Variants in TRHDE observed in about 807,000 individuals in gnomAD.
The protein encoded by TRHDE is thyrotropin-releasing hormone-degrading ectoenzyme.
TRHDE carries 72 observed loss-of-function variants against 125.7 expected under a neutral mutation model. That is an observed-to-expected ratio of 0.57 (90% CI 0.47 to 0.70). TRHDE has a LOEUF of 0.70. Among genes scored for constraint, TRHDE ranks in the 30% least tolerant of loss-of-function variants. TRHDE has a pLI of 0.00. For missense variants in TRHDE, 1,110 were observed against 1,327.1 expected, an observed-to-expected ratio of 0.84 and a Z score of 2.54; for synonymous variants, 509 against 509.1, an observed-to-expected ratio of 1.00 and a Z score of 0.00.
At chr12:72,581,828 C>T (rs978972724) in intron 12 of TRHDE, among the ~76,000 whole-genome samples, 2 of 151,282 alleles carry the variant, frequency 1.3e-5, no homozygotes, top group African/African-American at 2.4e-5. Context: ...AGGCACCGGG[C>T]GCAGTGGCTC....
chr12:72,180,539 TTTA>T, intron 2 of TRHDE, among the ~76,000 whole-genome samples: 1 of 152,082 alleles, frequency 6.6e-6, no homozygotes, highest in South Asian at 2.1e-4. Flanking sequence ...GACCCTTGAG[TTTA>T]TTATTCTTAT....
At chr12:72,205,480 A>C (rs114451395) in intron 2 of TRHDE, among the ~76,000 whole-genome samples, 213 of 152,266 alleles carry the variant, frequency 1.4e-3, no homozygotes, top group African/African-American at 4.9e-3. Context: ...TTTGCATGAC[A>C]AACTTTATAC....
chr12:72,663,963 C>G lies in TRHDE; in HGVS notation c.*768C>G, dbSNP rs566075240. On this transcript the variant is annotated 3_prime_UTR_variant, in exon 19 of 19. Transcript: ENST00000261180. The stretch of plus-strand genomic sequence containing the variant: ...TCTTCAGATCAAAGAAAATTTATCT[C>G]TTTTTATAAACTTAAGGACAGTTGC... The G allele has an allele frequency of 1.8e-4, 27 of 152,228 alleles. No individual in the cohort carries two copies. Among genetic ancestry groups the G allele is most frequent in the Admixed American group, 7.2e-4 (11 of 15,282 alleles). The allele number at this position is 152,228 out of a possible 1,614,324, so 9.4% of individuals were successfully genotyped here.
chr12:72,579,661 G>C (rs1436571510), intron 12 of TRHDE, among the ~76,000 whole-genome samples: 1 of 151,952 alleles, frequency 6.6e-6, no homozygotes, highest in Non-Finnish European at 1.5e-5. Context: ...GTCTCACATA[G>C]GGCTTCCCTG....
At chr12:72,212,759 T>C (rs1005317873) in intron 2 of TRHDE, among the ~76,000 whole-genome samples, 2 of 152,162 alleles carry the variant, frequency 1.3e-5, no homozygotes, top group African/African-American at 4.8e-5. Flanking sequence ...ACAACCACTT[T>C]GAAAAACAGT....
rs1179014492 is a variant in TRHDE at position 72,273,333 on chromosome 12, C to A, written c.690C>A (p.Ser230=). 1 of 1,613,990 alleles carries A rather than the reference C, an allele frequency of 6.2e-7. No individual in the cohort carries two copies. Among genetic ancestry groups the A allele is most frequent in the Non-Finnish European group, 8.5e-7 (1 of 1,180,024 alleles). ...NATRYVVLHA[S]RVAVEKVQLA... is the part of the protein sequence containing the mutation. ...CCCGCTACGTAGTGCTGCACGCTTC[C>A]CGAGTGGCGGTGGAGAAAGTGCAGC... is the stretch of plus-strand genomic sequence containing the variant. The change falls in exon 1 of 19, where the codon TCC becomes TCA. Residue 230 remains serine, a synonymous_variant. Transcript: ENST00000261180. This position sits in a 1 kb window ranked among gnomAD's most constrained non-coding sequence, Gnocchi z 5.3.
intron 1 of TRHDE, among the ~76,000 whole-genome samples, chr12:72,101,277 G>A (rs949923720): frequency 6.6e-6 from 1 of 152,164 alleles, no homozygotes; most frequent in Non-Finnish European, 1.5e-5. Flanking sequence ...ATCTACTCAG[G>A]TCGTCTGCTC....
At chr12:72,323,433 A>G (rs912430644) in intron 2 of TRHDE, among the ~76,000 whole-genome samples, 1 of 152,134 alleles carries the variant, frequency 6.6e-6, no homozygotes, top group Non-Finnish European at 1.5e-5. Flanking sequence ...TTAAGTTCTA[A>G]GAAAAGGGCA....
At chr12:72,527,795 G>T (rs1868364483) in intron 6 of TRHDE, among the ~76,000 whole-genome samples, 1 of 151,854 alleles carries the variant, frequency 6.6e-6, no homozygotes, top group Admixed American at 6.6e-5. Context: ...TAAAATATTA[G>T]AAAAGAAAAA....
chr12:72,477,463 C>A, intron 5 of TRHDE, among the ~76,000 whole-genome samples: 1 of 152,234 alleles, frequency 6.6e-6, no homozygotes, highest in South Asian at 2.1e-4. Flanking sequence ...TCATTAGAAA[C>A]GACCTCCTCA....
At chr12:72,650,611 T>A (rs536821161) in intron 15 of TRHDE, among the ~76,000 whole-genome samples, 4 of 152,242 alleles carry the variant, frequency 2.6e-5, no homozygotes, top group African/African-American at 9.6e-5. Context: ...TCTTAGAAAG[T>A]AAACTTACTA....
chr12:72,185,401 C>T (rs1434706526), intron 2 of TRHDE, among the ~76,000 whole-genome samples: 2 of 152,266 alleles, frequency 1.3e-5, no homozygotes, highest in Non-Finnish European at 2.9e-5. Flanking sequence ...CGCCCAGTCC[C>T]ATCCACCACC....
intron 12 of TRHDE, among the ~76,000 whole-genome samples, chr12:72,618,322 A>G (rs1038540763): frequency 6.6e-6 from 1 of 152,114 alleles, no homozygotes; most frequent in Non-Finnish European, 1.5e-5. Context: ...CATTTTTGTA[A>G]TTTGGACTTT....
intron 1 of TRHDE, among the ~76,000 whole-genome samples, chr12:72,093,406 A>G (rs1438835333): frequency 6.6e-6 from 1 of 152,138 alleles, no homozygotes; most frequent in Non-Finnish European, 1.5e-5. Flanking sequence ...ATTTATTTAA[A>G]TAAGCTTTCT....
chr12:72,518,476 T>G (rs1217778673), intron 6 of TRHDE, among the ~76,000 whole-genome samples: 4 of 152,066 alleles, frequency 2.6e-5, no homozygotes, highest in Non-Finnish European at 5.9e-5. Context: ...ACCCCTGCCT[T>G]TTTTAGTTTT....
intron 2 of TRHDE, among the ~76,000 whole-genome samples, chr12:72,371,394 T>TA (rs1871578657): frequency 6.6e-6 from 1 of 151,194 alleles, no homozygotes. Context: ...ATTTATTTAT[T>TA]TTTATTATTA....
chr12:72,556,551 C>G (rs1199630766), intron 7 of TRHDE, among the ~76,000 whole-genome samples: 2 of 152,200 alleles, frequency 1.3e-5, no homozygotes, highest in East Asian at 1.9e-4. Flanking sequence ...GAAGCATCCC[C>G]TTGTCTGAGG....
rs1408176465 is a variant in TRHDE at position 72,419,130 on chromosome 12, A to G, written c.1315+41009A>G. On this transcript the variant is annotated intron_variant, in intron 3 of 18. Transcript: ENST00000261180. ...GAGTTAATGAGGGTGGAGCTATTTA[A>G]ACACTTAAGATGGAGACTCAAGAGT... Among the ~76,000 whole-genome samples, 3 of 152,174 alleles carry G rather than the reference A, an allele frequency of 2.0e-5. No homozygotes were observed. The East Asian group carries it at 5.8e-4, about 29-fold the overall frequency.
At chr12:72,649,952 G>T (rs1874438513) in intron 15 of TRHDE, among the ~76,000 whole-genome samples, 2 of 152,086 alleles carry the variant, frequency 1.3e-5, no homozygotes, top group South Asian at 4.1e-4. Context: ...TAGTGCAGCT[G>T]CTCTGGTAAA....
Sources: allele counts gnomAD v4.1 joint callset (sites outside exome capture counted in the v4.1 genomes callset), GRCh38; gene constraint gnomAD v4.1.1; non-coding constraint Gnocchi (gnomAD v3.1); transcripts MANE v1.5; gene names NCBI Gene and HGNC (gene_info 2026-07-23, HGNC 2026-07-21).